MRPS9: variants seen among roughly 807,000 people sequenced by gnomAD.
MRPS9 encodes the protein small ribosomal subunit protein uS9m.
A neutral mutation model predicts 59.9 loss-of-function variants in MRPS9; 45 were observed. The ratio of observed to expected loss-of-function variants is 0.75; its 90% confidence interval spans 0.59 to 0.96. The LOEUF is 0.96. Ranked by LOEUF, MRPS9 falls within the 40% of genes least tolerant of loss-of-function variation. The pLI is 0.00. For synonymous variants in MRPS9, 171 were observed against 166.8 expected (o/e 1.03, Z -0.19); for missense variants, 473 against 481.1 (o/e 0.98, Z 0.16).
chr2:105,065,896 AT>A (rs1379227821), intron 2 of MRPS9, among the ~76,000 whole-genome samples: 1 of 152,094 alleles, frequency 6.6e-6, no homozygotes, highest in African/African-American at 2.4e-5. Context: ...AAGCAACATA[AT>A]TTTTTTTCAT....
intron 5 of MRPS9, among the ~76,000 whole-genome samples, chr2:105,085,312 G>A (rs1478006000): frequency 6.6e-6 from 1 of 152,090 alleles, no homozygotes; most frequent in Non-Finnish European, 1.5e-5. Context: ...ATTGAGGAGA[G>A]AATTTAAGAA....
chr2:105,075,627 T>G (rs1680193927), intron 4 of MRPS9, among the ~76,000 whole-genome samples: 1 of 152,164 alleles, frequency 6.6e-6, no homozygotes, highest in Non-Finnish European at 1.5e-5. Context: ...AAGAAAGCTA[T>G]AGTCTGTTGT....
chr2:105,067,537 A>T (rs1276697692), intron 2 of MRPS9, among the ~76,000 whole-genome samples: 1 of 152,120 alleles, frequency 6.6e-6, no homozygotes, highest in African/African-American at 2.4e-5. Flanking sequence ...TCTATAGGGT[A>T]ATATTCTGAG....
intron 1 of MRPS9, 58 bp downstream of exon 1, chr2:105,038,285 G>C: frequency 6.4e-7 from 1 of 1,571,730 alleles, no homozygotes; most frequent in Non-Finnish European, 8.6e-7. Flanking sequence ...TGTGGAGCCA[G>C]CGCGGACACC....
chr2:105,080,094 G>T (rs1163645147), intron 5 of MRPS9, 32 bp downstream of exon 5: 1 of 1,461,356 alleles, frequency 6.8e-7, no homozygotes, highest in East Asian at 2.4e-5. Context: ...TAAATAATAT[G>T]AGCTGTAAGC....
intron 4 of MRPS9, among the ~76,000 whole-genome samples, chr2:105,072,045 G>A (rs566404327): frequency 2.6e-5 from 4 of 151,756 alleles, no homozygotes; most frequent in Non-Finnish European, 4.4e-5. Context: ...AAGCTTTAAG[G>A]TTGTCAAGAA....
chr2:105,097,127 A>G, intron 9 of MRPS9, 28 bp from the exon 10 acceptor site: 8 of 1,451,406 alleles, frequency 5.5e-6, no homozygotes, highest in Non-Finnish European at 7.3e-6. Flanking sequence ...TAGTAAACGT[A>G]ACCACATTTA....
chr2:105,099,651 T>C lies in MRPS9; in HGVS notation c.1100-19T>C, dbSNP rs764704150. 3.1e-6 allele frequency: 5 copies of C among 1,612,068 alleles called. No individual in the cohort carries two copies. The highest frequency in any genetic ancestry group is 4.2e-6 in the Non-Finnish European group (5 of 1,178,802). On this transcript the variant is annotated intron_variant, in intron 10 of 10. Transcript: ENST00000258455. ...ATGCATATTAATGGTTCCTAAAGGCTTCTCTTTTTATGCTGCAGCTGGACT... is the reference window on the plus strand; with the variant it reads ...ATGCATATTAATGGTTCCTAAAGGCCTCTCTTTTTATGCTGCAGCTGGACT...
chr2:105,078,340 G>GTGTGTA (rs903146564), intron 4 of MRPS9, among the ~76,000 whole-genome samples: 1 of 149,842 alleles, frequency 6.7e-6, no homozygotes, highest in Non-Finnish European at 1.5e-5. Context: ...GTGTGTGTGT[G>GTGTGTA]TATACATTCA....
At chr2:105,089,387 A>T (rs1445677371) in intron 6 of MRPS9, among the ~76,000 whole-genome samples, 2 of 152,030 alleles carry the variant, frequency 1.3e-5, no homozygotes, top group Admixed American at 6.6e-5. Context: ...TTTACATTTT[A>T]TTTTTATATT....
At chr2:105,043,925 G>A (rs926242808) in intron 1 of MRPS9, among the ~76,000 whole-genome samples, 4 of 148,448 alleles carry the variant, frequency 2.7e-5, no homozygotes, top group African/African-American at 1.0e-4. Context: ...GAGTCACCAC[G>A]CCCGGCTGCA....
chr2:105,049,445 TC>T (rs1326216648), intron 2 of MRPS9, 95 bp downstream of exon 2: 39 of 1,076,766 alleles, frequency 3.6e-5, no homozygotes, highest in Non-Finnish European at 5.1e-5. Flanking sequence ...TGTGTTTTAA[TC>T]AAGCTGTCAG....
chr2:105,069,214 C>CTTTTT, intron 2 of MRPS9, among the ~76,000 whole-genome samples: 1 of 117,708 alleles, frequency 8.5e-6, no homozygotes, highest in Non-Finnish European at 1.8e-5. Flanking sequence ...ATTGGTCAAT[C>CTTTTT]TTTTTTTTTT....
At chr2:105,086,392 T>C (rs1325643553) in intron 5 of MRPS9, among the ~76,000 whole-genome samples, 2 of 152,202 alleles carry the variant, frequency 1.3e-5, no homozygotes, top group Admixed American at 1.3e-4. Context: ...TAAATTATTA[T>C]AGATCTCAGT....
intron 10 of MRPS9, 61 bp downstream of exon 10, chr2:105,097,385 T>G (rs1680688887): frequency 7.2e-7 from 1 of 1,383,166 alleles, no homozygotes; most frequent in Non-Finnish European, 9.5e-7. Context: ...TTCATCTGCT[T>G]CTTGTCCTAG....
intron 2 of MRPS9, 74 bp downstream of exon 2, chr2:105,049,424 C>T (rs542921409): frequency 8.0e-7 from 1 of 1,247,018 alleles, no homozygotes; most frequent in Admixed American, 2.4e-5. Context: ...TCTTCATGAG[C>T]CCCTTAGCTC....
At chr2:105,038,798 GATGATGCCAGTTT>G (rs755455604) in intron 1 of MRPS9, among the ~76,000 whole-genome samples, 1 of 152,202 alleles carries the variant, frequency 6.6e-6, no homozygotes, top group Non-Finnish European at 1.5e-5. Flanking sequence ...CTGGATGGCT[GATGATGCCAGTTT>G]ACTGACATGC....
rs1679670361 is a variant in MRPS9, at chr2:105,049,479, C to T, written c.315+129C>T. 11 of 768,558 alleles carry T rather than the reference C, an allele frequency of 1.4e-5. No individual in the cohort carries two copies. In the South Asian group the frequency reaches 2.1e-4, roughly 14 times the overall value. 47.6% of individuals were successfully genotyped at this position (768,558 alleles called of 1,614,324 possible). A position where few individuals can be genotyped will look rare whatever the true frequency, so the allele number is the denominator to read the frequency against. On this transcript the variant is annotated intron_variant, in intron 2 of 10. Transcript: ENST00000258455. ...CAGAATAAGGAAAAATGCTGCTATACATTGTTTAAGTTGGAGCCATGGTTT... is the reference window on the plus strand; with the variant it reads ...CAGAATAAGGAAAAATGCTGCTATATATTGTTTAAGTTGGAGCCATGGTTT...
At chr2:105,082,334 G>T (rs1298235161) in intron 5 of MRPS9, among the ~76,000 whole-genome samples, 1 of 152,172 alleles carries the variant, frequency 6.6e-6, no homozygotes, top group African/African-American at 2.4e-5. Flanking sequence ...AGGCCCAGAT[G>T]CCATTGGCCA....
Sources: allele counts gnomAD v4.1 joint callset (sites outside exome capture counted in the v4.1 genomes callset), GRCh38; gene constraint gnomAD v4.1.1; transcripts MANE v1.5; gene names NCBI Gene and HGNC (gene_info 2026-07-23, HGNC 2026-07-21).